The following RIMS2 variants were observed in gnomAD, a reference collection of about 807,000 sequenced individuals.
The protein encoded by RIMS2 is regulating synaptic membrane exocytosis protein 2.
A neutral mutation model predicts 174.4 loss-of-function variants in RIMS2; 59 were observed. That is an observed-to-expected ratio of 0.34 (90% CI 0.27 to 0.42). The LOEUF (loss-of-function observed/expected upper bound fraction) is 0.42. RIMS2 is among the 10% of genes least tolerant of loss of function. The pLI is 1.00. For missense variants in RIMS2, 1,620 were observed against 1,666.3 expected (o/e 0.97, Z 0.48); for synonymous variants, 606 against 572.5 (o/e 1.06, Z -0.84).
At chr8:103,653,576 C>A (rs1564169458) in intron 1 of RIMS2, among the ~76,000 whole-genome samples, 1 of 152,098 alleles carries the variant, frequency 6.6e-6, no homozygotes, top group Non-Finnish European at 1.5e-5. Flanking sequence ...GTGACATGGA[C>A]TCCAGGAGAG....
intron 1 of RIMS2, among the ~76,000 whole-genome samples, chr8:103,573,210 C>T (rs1051111627): frequency 6.6e-6 from 1 of 151,832 alleles, no homozygotes; most frequent in Admixed American, 6.6e-5. Flanking sequence ...TGCATGCCAC[C>T]ACGCCCAGCT....
rs919770529 is a variant in RIMS2 at position 103,652,730 on chromosome 8, T to C, written c.177-44356T>C. 6 of 1,266,434 alleles carry C rather than the reference T, an allele frequency of 4.7e-6. No homozygotes were observed. The highest frequency in any genetic ancestry group is 6.3e-6 in the Non-Finnish European group (6 of 948,540). 78.4% of individuals were successfully genotyped at this position (1,266,434 alleles called of 1,614,324 possible). On this transcript the variant is annotated intron_variant, in intron 1 of 23. Transcript: ENST00000504942. ...CCAGACGTAAGTAAGCTGATCTATA[T>C]AGACTAAATATTATCTCTGATAGTA...
At chr8:104,009,217 C>T (rs1472465562) in intron 17 of RIMS2, among the ~76,000 whole-genome samples, 1 of 151,176 alleles carries the variant, frequency 6.6e-6, no homozygotes, top group Non-Finnish European at 1.5e-5. Flanking sequence ...ATTTATACTT[C>T]AGTTATGCAG....
At chr8:103,789,976 G>C (rs144810849) in intron 3 of RIMS2, among the ~76,000 whole-genome samples, 1 of 152,076 alleles carries the variant, frequency 6.6e-6, no homozygotes, top group East Asian at 1.9e-4. Flanking sequence ...TGTTTAGGCC[G>C]ATCTCAAACT....
chr8:104,207,842 T>C lies in RIMS2; in HGVS notation c.3335-37074T>C, dbSNP rs796485313. Among the ~76,000 whole-genome samples, 4 of 149,348 alleles carry C rather than the reference T, an allele frequency of 2.7e-5. No individual in the cohort carries two copies. In the East Asian group the frequency reaches 7.8e-4, roughly 29 times the overall value. ...AAAATATATATATATGTATATAATA[T>C]ATATTATATATATTTGTGAATAATA... is the stretch of plus-strand genomic sequence containing the variant. On this transcript the variant is annotated intron_variant, in intron 19 of 23. Transcript: ENST00000504942.
chr8:103,509,779 A>G (rs1377016536), intron 1 of RIMS2, among the ~76,000 whole-genome samples: 1 of 152,138 alleles, frequency 6.6e-6, no homozygotes, highest in African/African-American at 2.4e-5. Flanking sequence ...GTAACCTACA[A>G]AATTGAAGAC....
At chr8:103,986,401 A>G (rs904927239) in intron 16 of RIMS2, among the ~76,000 whole-genome samples, 1 of 152,182 alleles carries the variant, frequency 6.6e-6, no homozygotes, top group African/African-American at 2.4e-5. Flanking sequence ...ATAAGAATGT[A>G]TGTTAACCCA....
At chr8:103,764,495 A>C (rs560301604) in intron 2 of RIMS2, among the ~76,000 whole-genome samples, 1 of 152,316 alleles carries the variant, frequency 6.6e-6, no homozygotes, top group African/African-American at 2.4e-5. Flanking sequence ...GATGGCATCA[A>C]AAGGCTGAGA....
intron 1 of RIMS2, among the ~76,000 whole-genome samples, chr8:103,644,931 C>G (rs534624381): frequency 1.3e-5 from 2 of 151,922 alleles, no homozygotes; most frequent in Admixed American, 6.6e-5. Flanking sequence ...TGCAGATTCT[C>G]ACCCAGGAGT....
intron 2 of RIMS2, among the ~76,000 whole-genome samples, chr8:103,743,955 A>G (rs1277491869): frequency 6.6e-6 from 1 of 152,170 alleles, no homozygotes; most frequent in Non-Finnish European, 1.5e-5. Flanking sequence ...GTTGAAGTAC[A>G]TTTGAGTTGG....
At chr8:103,989,388 T>C in exon 17 of RIMS2, 1 of 1,609,164 alleles carries the variant, frequency 6.2e-7, no homozygotes, top group South Asian at 1.1e-5. Context: ...AGACATCGTG[T>C]CATGGATGAC....
chr8:104,189,174 T>C (rs1284917356), intron 19 of RIMS2, among the ~76,000 whole-genome samples: 1 of 152,012 alleles, frequency 6.6e-6, no homozygotes, highest in Non-Finnish European at 1.5e-5. Flanking sequence ...GCAAGATGGA[T>C]ATTTCTATGG....
intron 1 of RIMS2, among the ~76,000 whole-genome samples, chr8:103,665,505 T>C (rs930791453): frequency 6.6e-6 from 1 of 152,252 alleles, no homozygotes; most frequent in East Asian, 1.9e-4. Flanking sequence ...TTTTGAGATA[T>C]GCTATGAGTC....
chr8:104,167,798 A>C (rs751851601), intron 19 of RIMS2, among the ~76,000 whole-genome samples: 3 of 152,060 alleles, frequency 2.0e-5, no homozygotes, highest in Admixed American at 6.6e-5. Flanking sequence ...TAGAGTTTTT[A>C]TGGTTTCAGA....
At chr8:103,818,938 A>C (rs1176884553) in intron 3 of RIMS2, among the ~76,000 whole-genome samples, 1 of 152,074 alleles carries the variant, frequency 6.6e-6, no homozygotes, top group Non-Finnish European at 1.5e-5. Flanking sequence ...TTATTTTTAG[A>C]GTGTTCTGGT....
chr8:103,713,544 A>AT (rs2097333837), intron 2 of RIMS2, among the ~76,000 whole-genome samples: 2 of 151,902 alleles, frequency 1.3e-5, no homozygotes, highest in African/African-American at 2.4e-5. Context: ...AATTTTTTTG[A>AT]TTTTATCATT....
intron 1 of RIMS2, among the ~76,000 whole-genome samples, chr8:103,621,963 CA>C (rs1203560837): frequency 6.6e-6 from 1 of 151,882 alleles, no homozygotes; most frequent in Non-Finnish European, 1.5e-5. Context: ...TAATTGGTTC[CA>C]AAATGATATA....
intron 19 of RIMS2, among the ~76,000 whole-genome samples, chr8:104,074,670 A>C (rs1009631408): frequency 3.7e-4 from 56 of 152,272 alleles, no homozygotes; most frequent in African/African-American, 1.3e-3. Flanking sequence ...AAATTTATGA[A>C]TCTTAAGGGG....
chr8:104,210,988 C>A (rs988842428), intron 19 of RIMS2, among the ~76,000 whole-genome samples: 1 of 152,122 alleles, frequency 6.6e-6, no homozygotes, highest in African/African-American at 2.4e-5. Flanking sequence ...GAAATCTTTC[C>A]TCTTCATGTT....
Sources: gnomAD v4.1 joint callset for allele counts (sites outside exome capture counted in the v4.1 genomes callset) on GRCh38, gnomAD v4.1.1 for gene constraint, MANE v1.5 for transcripts, NCBI Gene and HGNC (gene_info 2026-07-23, HGNC 2026-07-21) for gene names.